ADCY8: variants seen among roughly 807,000 people sequenced by gnomAD.
The protein encoded by ADCY8 is adenylate cyclase 8.
ADCY8 carries 51 observed loss-of-function variants against 119.7 expected under a neutral mutation model. The observed-to-expected ratio is 0.43, with a 90% CI of 0.34 to 0.54. The LOEUF (loss-of-function observed/expected upper bound fraction) is 0.54. Ranked by LOEUF, ADCY8 falls within the 20% of genes least tolerant of loss-of-function variation. The pLI, the probability that ADCY8 is intolerant of heterozygous loss-of-function variation, is 0.03. For synonymous variants in ADCY8, 665 were observed against 651.0 expected (o/e 1.02, Z -0.33); for missense variants, 1,383 against 1,598.8 (o/e 0.87, Z 2.30).
rs577680422 is a variant in ADCY8 at position 130,998,830 on chromosome 8, AAG to A, written c.961-8290_961-8289del. On this transcript the variant is annotated intron_variant, in intron 1 of 17. Transcript: ENST00000286355. ...TTTTTGTGGACTACATAGAAAAGAG[AAG>A]AGACAAAGATGATTCTCAGCAAGTT... is the stretch of plus-strand genomic sequence containing the variant. Among the ~76,000 whole-genome samples, 690 of 152,258 alleles carry A rather than the reference AAG, an allele frequency of 4.5e-3. 2 individuals are homozygous for A. Among genetic ancestry groups the A allele is most frequent in the Non-Finnish European group, 7.9e-3 (535 of 68,016 alleles).
intron 9 of ADCY8, among the ~76,000 whole-genome samples, chr8:130,858,198 T>C (rs1429298604): frequency 2.0e-5 from 3 of 152,232 alleles, no homozygotes; most frequent in African/African-American, 4.8e-5. Context: ...ACAGATATGT[T>C]ACTTCAAGAC....
At position 130,954,147 on chromosome 8, in the gene ADCY8, A is replaced by C. The variant is rs1821355094; in HGVS notation, c.1111-2149T>G. 2.6e-5 allele frequency among the ~76,000 whole-genome samples: 4 copies of C among 152,390 alleles called. No individual in the cohort carries two copies. The South Asian group carries it at 8.3e-4, about 32-fold the overall frequency. On this transcript the variant is annotated intron_variant, in intron 2 of 17. Transcript: ENST00000286355. ...CTCCAGGACCCCACGGTCAGTTTGTAAAAGTGTTTGATTGCAAATCATCCT... is the reference window on the plus strand; with the variant it reads ...CTCCAGGACCCCACGGTCAGTTTGTCAAAGTGTTTGATTGCAAATCATCCT...
chr8:130,998,415 G>A (rs1822845713), intron 1 of ADCY8, among the ~76,000 whole-genome samples: 1 of 152,176 alleles, frequency 6.6e-6, no homozygotes. Flanking sequence ...ACCCACTTCA[G>A]CCCAGCATGC....
chr8:130,804,001 C>T (rs940449485), intron 14 of ADCY8, among the ~76,000 whole-genome samples: 3 of 152,144 alleles, frequency 2.0e-5, no homozygotes, highest in Non-Finnish European at 4.4e-5. Context: ...AAATGGCTTT[C>T]AAAGGTGGAT....
chr8:130,984,508 G>A (rs964104987), intron 2 of ADCY8, among the ~76,000 whole-genome samples: 4 of 150,628 alleles, frequency 2.7e-5, no homozygotes, highest in East Asian at 1.9e-4. Flanking sequence ...TTCATAGATC[G>A]TAAGGAAAGT....
chr8:131,001,630 TTA>T (rs900365685), intron 1 of ADCY8, among the ~76,000 whole-genome samples: 6 of 148,164 alleles, frequency 4.0e-5, no homozygotes, highest in Middle Eastern at 3.6e-3. Flanking sequence ...TATATATACA[TTA>T]TATATATATA....
At position 130,904,155 on chromosome 8, in the gene ADCY8, A is replaced by G. The variant is rs138361588; in HGVS notation, c.1641-113T>C. The G allele has an allele frequency of 2.8e-3, 2,989 of 1,075,474 alleles. 41 individuals carry two copies. The African/African-American group carries it at 0.04, about 14-fold the overall frequency. 66.6% of individuals were successfully genotyped at this position (1,075,474 alleles called of 1,614,324 possible). A position where few individuals can be genotyped will look rare whatever the true frequency, so the allele number is the denominator to read the frequency against. On this transcript the variant is annotated intron_variant, in intron 6 of 17. Transcript: ENST00000286355. ...GGTTACACAAGGGTATTATTAGGAC[A>G]TGTCCTCAGGGACAATACTTGTCTT...
intron 2 of ADCY8, among the ~76,000 whole-genome samples, chr8:130,958,186 G>A (rs1385857370): frequency 2.0e-5 from 3 of 152,144 alleles, no homozygotes; most frequent in South Asian, 2.1e-4. Flanking sequence ...ATACCCCAAC[G>A]CCCACAAAAA....
At chr8:130,829,954 G>T (rs1164764006) in intron 12 of ADCY8, among the ~76,000 whole-genome samples, 1 of 152,134 alleles carries the variant, frequency 6.6e-6, no homozygotes, top group Non-Finnish European at 1.5e-5. Context: ...TTCTTCCAAG[G>T]ACCCTTAGAT....
chr8:130,857,174 T>C (rs1817768141), intron 9 of ADCY8, among the ~76,000 whole-genome samples: 1 of 151,454 alleles, frequency 6.6e-6, no homozygotes, highest in East Asian at 1.9e-4. Flanking sequence ...CACACCAGCA[T>C]GGCACATGTA....
chr8:130,884,681 A>C lies in ADCY8; in HGVS notation c.1992T>G (p.Pro664=), dbSNP rs1342951013. 1.2e-6 allele frequency: 2 copies of C among 1,613,770 alleles called. No homozygotes were observed. Among genetic ancestry groups the C allele is most frequent in the Non-Finnish European group, 1.7e-6 (2 of 1,179,848 alleles). ...LAQALHVQSG[P]EEINKRIEHT... is the part of the protein sequence containing the mutation. ...GTTCTATTCTCTTGTTAATTTCCTCAGGCCCAGACTGGACATGCAAAGCTT... is the reference window on the plus strand; with the variant it reads ...GTTCTATTCTCTTGTTAATTTCCTCCGGCCCAGACTGGACATGCAAAGCTT... Residue 664 remains proline, a synonymous_variant, in exon 8 of 18, where the codon CCT becomes CCG. Coordinates refer to ENST00000286355, the MANE Select transcript of ADCY8 (RefSeq NM_001115.3).
chr8:130,858,886 C>T (rs1817834620), intron 9 of ADCY8, among the ~76,000 whole-genome samples: 1 of 151,138 alleles, frequency 6.6e-6, no homozygotes, highest in African/African-American at 2.4e-5. Context: ...TGAAATACTC[C>T]CATTATCATG....
At chr8:130,983,385 C>T (rs890295380) in intron 2 of ADCY8, among the ~76,000 whole-genome samples, 5 of 152,082 alleles carry the variant, frequency 3.3e-5, no homozygotes, top group Admixed American at 6.6e-5. Context: ...TCCCATTGGC[C>T]GAACCCAACA....
At chr8:130,969,106 A>T (rs1252470287) in intron 2 of ADCY8, among the ~76,000 whole-genome samples, 3 of 152,196 alleles carry the variant, frequency 2.0e-5, no homozygotes, top group Non-Finnish European at 4.4e-5. Context: ...ATTATATGTT[A>T]TTCTGGATGT....
intron 6 of ADCY8, among the ~76,000 whole-genome samples, chr8:130,906,838 C>A (rs1489096385): frequency 1.3e-5 from 2 of 150,964 alleles, no homozygotes; most frequent in East Asian, 3.9e-4. Flanking sequence ...TTACTGTGTG[C>A]CCCATGGATT....
intron 14 of ADCY8, among the ~76,000 whole-genome samples, chr8:130,809,255 T>G (rs1430321830): frequency 6.6e-6 from 1 of 152,170 alleles, no homozygotes; most frequent in African/African-American, 2.4e-5. Context: ...TGGGTTTGGA[T>G]TTGAGCTCAC....
intron 5 of ADCY8, 42 bp downstream of exon 5, chr8:130,937,031 C>A: frequency 6.3e-7 from 1 of 1,579,524 alleles, no homozygotes; most frequent in Non-Finnish European, 8.6e-7. Context: ...TGTGATCGTG[C>A]ACATTGAAGA....
In ADCY8 at chr8:131,040,175, C is replaced by T. The variant is rs1198267590; in HGVS notation, c.159G>A (p.Gly53=). The T allele has an allele frequency of 6.5e-7, 1 of 1,534,214 alleles. No individual in the cohort carries two copies. The change falls in exon 1 of 18, where the codon GGG becomes GGA. Residue 53 remains glycine (G), a synonymous_variant. Transcript: ENST00000286355. ...RHITEQRFIH[G]HRGGSGSGSG... Reference sequence around the variant, plus strand: ...TCCCGCTGCCGCTGCCTCCCCGGTGCCCGTGAATGAAGCGCTGCTCCGTGA... The same window carrying T: ...TCCCGCTGCCGCTGCCTCCCCGGTGTCCGTGAATGAAGCGCTGCTCCGTGA...
intron 3 of ADCY8, among the ~76,000 whole-genome samples, chr8:130,946,426 A>C (rs4736724): frequency 0.98 from 149,286 of 152,264 alleles, 73,205 homozygotes; most frequent in East Asian, 1. Context: ...CCTGGTATAG[A>C]TTTTTCCCCC....
Sources: gnomAD v4.1 joint callset for allele counts (sites outside exome capture counted in the v4.1 genomes callset) on GRCh38, gnomAD v4.1.1 for gene constraint, MANE v1.5 for transcripts, NCBI Gene and HGNC (gene_info 2026-07-23, HGNC 2026-07-21) for gene names.